CARD8: variants seen among roughly 807,000 people sequenced by gnomAD.
The protein encoded by CARD8 is caspase recruitment domain-containing protein 8.
CARD8 carries 38 observed loss-of-function variants against 53.2 expected under a neutral mutation model. The observed-to-expected ratio is 0.71, with a 90% CI of 0.55 to 0.94. The LOEUF (loss-of-function observed/expected upper bound fraction) is 0.94, where lower values mean the gene tolerates loss of function less well. Ranked by LOEUF, CARD8 falls within the 40% of genes least tolerant of loss-of-function variation. The pLI, the probability that CARD8 is intolerant of heterozygous loss-of-function variation, is 0.00. For synonymous variants in CARD8, 245 were observed against 244.9 expected (o/e 1.00, Z 0.00); for missense variants, 561 against 655.5 (o/e 0.86, Z 1.57).
intron 5 of CARD8, among the ~76,000 whole-genome samples, chr19:48,236,348 G>A (rs988294123): frequency 2.0e-5 from 3 of 152,146 alleles, no homozygotes; most frequent in African/African-American, 7.2e-5. Flanking sequence ...CAATAGCTGG[G>A]ATTACAGGCA....
chr19:48,222,181 T>C (rs2040791334), intron 10 of CARD8, among the ~76,000 whole-genome samples: 2 of 152,228 alleles, frequency 1.3e-5, no homozygotes, highest in Non-Finnish European at 2.9e-5. Context: ...TGCGTACTTA[T>C]GAAAGCACAG....
chr19:48,223,224 A>G (rs1275339561), intron 10 of CARD8, among the ~76,000 whole-genome samples: 1 of 151,908 alleles, frequency 6.6e-6, no homozygotes, highest in Admixed American at 6.6e-5. Context: ...GAATCGCATG[A>G]ACCTGGGAGG....
intron 5 of CARD8, among the ~76,000 whole-genome samples, chr19:48,237,006 C>T (rs1362874081): frequency 1.3e-5 from 2 of 152,106 alleles, no homozygotes; most frequent in East Asian, 1.9e-4. Context: ...AAACTCCCGA[C>T]ATCAGGTGGT....
intron 3 of CARD8, among the ~76,000 whole-genome samples, chr19:48,245,491 G>A (rs1417328923): frequency 6.6e-6 from 1 of 152,066 alleles, no homozygotes; most frequent in African/African-American, 2.4e-5. Context: ...GGGATTACAG[G>A]TGTCAGCCAC....
chr19:48,217,984 G>A lies in CARD8; in HGVS notation c.1303+887C>T, dbSNP rs549563957. ...AAATGATTAAATTGTGAAGAAAGTG[G>A]AACTAAATAGTCCTTATGTTTCTTC... On this transcript the variant is annotated intron_variant, in intron 12 of 13. Transcript: ENST00000651546. Among the ~76,000 whole-genome samples the A allele has an allele frequency of 2.6e-5, 4 of 152,244 alleles. No homozygotes were observed. In the South Asian group the frequency reaches 8.3e-4, roughly 32 times the overall value.
chr19:48,211,748 G>C lies in CARD8; in HGVS notation c.1576C>G (p.Pro526Ala). ...VLFRSISERD[P>A]YLVSYLRQQN... ...TGTCTAAGATAGGACACGAGGTAAG[G>C]GTCCCTTTCACTAATGCTTCTGAAG... Residue 526 changes from proline to alanine, a missense_variant, in exon 14 of 14, where the codon CCT becomes GCT. By Grantham distance (27) the Pro-to-Ala change is conservative (BLOSUM62 -1). Coordinates refer to ENST00000651546, the MANE Select transcript of CARD8 (RefSeq NM_001184900.3). 6.2e-7 allele frequency: 1 copy of C among 1,614,044 alleles called. No homozygotes were observed. Among genetic ancestry groups the C allele is most frequent in the African/African-American group, 1.3e-5 (1 of 74,974 alleles).
intron 6 of CARD8, 189 bp downstream of exon 6, chr19:48,234,214 T>G: frequency 3.5e-6 from 2 of 576,256 alleles, no homozygotes; most frequent in Non-Finnish European, 6.0e-6. Context: ...TCTAGACACC[T>G]CCATGGAAGA....
rs2037501082 is a variant in CARD8, at chr19:48,208,192, T to C, written c.*3518A>G. The stretch of plus-strand genomic sequence containing the variant: ...TTTAGTTCTACTTCAAGATAAGGTA[T>C]AGACAACTGCAAAATTCCACTGTCC... On this transcript the variant is annotated 3_prime_UTR_variant, in exon 14 of 14. Coordinates refer to ENST00000651546, the MANE Select transcript of CARD8 (RefSeq NM_001184900.3). 6.6e-6 allele frequency: 1 copy of C among 152,224 alleles called. No homozygotes were observed. Among genetic ancestry groups the C allele is most frequent in the African/African-American group, 2.4e-5 (1 of 41,450 alleles). The allele number at this position is 152,224 out of a possible 1,614,324, so 9.4% of individuals were successfully genotyped here. A position where few individuals can be genotyped will look rare whatever the true frequency, so the allele number is the denominator to read the frequency against.
intron 6 of CARD8, chr19:48,233,412 A>G: frequency 2.2e-6 from 1 of 456,270 alleles, no homozygotes; most frequent in Non-Finnish European, 4.4e-6. Flanking sequence ...TACCTAGAGA[A>G]GTGGGATGAA....
Position 48,211,822 on chromosome 19 carries a change from G to T in CARD8, c.1502C>A (p.Ala501Asp), listed in dbSNP as rs761074966. The T allele has an allele frequency of 7.4e-6, 12 of 1,613,978 alleles. No homozygotes were observed. The highest frequency in any genetic ancestry group is 1.0e-5 in the Non-Finnish European group (12 of 1,180,024). ...QEKTRQSKNE[A>D]LLSMVEKKGD... The stretch of plus-strand genomic sequence containing the variant: ...TTTCTTCTCCACCATGCTCAGCAAG[G>T]CCTCATTCTTGCTCTGCCGTGTCTT... The change falls in exon 14 of 14, where the codon GCC becomes GAC. Residue 501 changes from alanine to aspartate, a missense_variant. By Grantham distance (126) the Ala-to-Asp change is moderately radical (BLOSUM62 -2). Coordinates refer to ENST00000651546, the MANE Select transcript of CARD8 (RefSeq NM_001184900.3).
chr19:48,223,570 A>C, intron 10 of CARD8: 1 of 272,496 alleles, frequency 3.7e-6, no homozygotes, highest in Non-Finnish European at 7.3e-6. Context: ...ATATCATACC[A>C]TCTCTGATGA....
chr19:48,255,611 G>A (rs902597447), intron 1 of CARD8, 181 bp downstream of exon 1: 2 of 152,122 alleles, frequency 1.3e-5, no homozygotes, highest in Admixed American at 6.6e-5. Context: ...AGCTTCCAGA[G>A]GGTTTTGTTT....
At chr19:48,232,651 A>ACT (rs1379504017) in intron 6 of CARD8, 158 bp from the exon 7 acceptor site, 2 of 727,586 alleles carry the variant, frequency 2.7e-6, no homozygotes, top group Non-Finnish European at 4.9e-6. Context: ...AAACTTAGGT[A>ACT]AACTTTAGTT....
At chr19:48,218,164 T>TC (rs1290450797) in intron 12 of CARD8, among the ~76,000 whole-genome samples, 1 of 151,734 alleles carries the variant, frequency 6.6e-6, no homozygotes, top group African/African-American at 2.4e-5. Context: ...TTCTCTTTTT[T>TC]TTTTCTTTTT....
chr19:48,214,293 T>C (rs1405400884), intron 13 of CARD8, among the ~76,000 whole-genome samples: 2 of 152,126 alleles, frequency 1.3e-5, no homozygotes, highest in Non-Finnish European at 2.9e-5. Context: ...CATCAGGTGA[T>C]GGTCAGGCAG....
intron 4 of CARD8, among the ~76,000 whole-genome samples, chr19:48,239,807 G>A (rs1474757471): frequency 2.0e-5 from 3 of 152,016 alleles, no homozygotes. Context: ...TATGGACTGA[G>A]AAGCTTGTGA....
intron 8 of CARD8, 113 bp from the exon 9 acceptor site, chr19:48,231,119 C>A: frequency 1.3e-6 from 1 of 788,220 alleles, no homozygotes; most frequent in Non-Finnish European, 2.1e-6. Context: ...GACCCATCTG[C>A]GACTTTCACT....
chr19:48,242,935 T>C (rs573374117), intron 3 of CARD8, among the ~76,000 whole-genome samples: 18 of 152,314 alleles, frequency 1.2e-4, no homozygotes, highest in Non-Finnish European at 2.4e-4. Context: ...AAAATGGCCA[T>C]TCTAGTACAT....
At chr19:48,221,028 GAA>G (rs918015875) in intron 11 of CARD8, among the ~76,000 whole-genome samples, 12 of 150,110 alleles carry the variant, frequency 8.0e-5, no homozygotes, top group African/African-American at 2.7e-4. Context: ...AAGAAAGAGA[GAA>G]AGAGGGAAAA....
Sources: allele counts gnomAD v4.1 joint callset (sites outside exome capture counted in the v4.1 genomes callset), GRCh38; gene constraint gnomAD v4.1.1; transcripts MANE v1.5; gene names NCBI Gene and HGNC (gene_info 2026-07-23, HGNC 2026-07-21).